COL5A1: variants seen among roughly 807,000 people sequenced by gnomAD.
COL5A1 encodes collagen alpha-1(V) chain.
COL5A1 carries 16 observed loss-of-function variants against 263.7 expected under a neutral mutation model. That is an observed-to-expected ratio of 0.06 (90% CI 0.04 to 0.09). The LOEUF is 0.09. Ranked by LOEUF, COL5A1 falls within the 10% of genes least tolerant of loss-of-function variation. COL5A1 has a pLI of 1.00. For missense variants in COL5A1, 2,036 were observed against 2,540.5 expected (o/e 0.80, Z 4.27); for synonymous variants, 1,012 against 1,004.5 (o/e 1.01, Z -0.14).
At chr9:134,731,473 T>G in intron 7 of COL5A1, 23 bp from the exon 8 acceptor site, 1 of 1,613,538 alleles carries the variant, frequency 6.2e-7, no homozygotes, top group Admixed American at 1.7e-5. Context: ...GAGGCAACCC[T>G]GCGCCTTCCT....
At chr9:134,759,536 C>G (rs1482974768) in intron 18 of COL5A1, among the ~76,000 whole-genome samples, 1 of 87,990 alleles carries the variant, frequency 1.1e-5, no homozygotes. Flanking sequence ...ACATACACCA[C>G]ACATGCGCAC....
intron 11 of COL5A1, among the ~76,000 whole-genome samples, chr9:134,748,812 A>G (rs1317353822): frequency 2.0e-5 from 3 of 152,240 alleles, no homozygotes; most frequent in African/African-American, 4.8e-5. Context: ...TCCAACGTGC[A>G]TCGGCAGAAG....
At position 134,699,934 on chromosome 9, in the gene COL5A1, C is replaced by T; in HGVS notation, c.303C>T (p.Ser101=). 1 of 1,614,044 alleles carries T rather than the reference C, an allele frequency of 6.2e-7. No individual in the cohort carries two copies. Among genetic ancestry groups the T allele is most frequent in the Non-Finnish European group, 8.5e-7 (1 of 1,180,050 alleles). Residue 101 remains serine, a synonymous_variant, in exon 3 of 66, where the codon TCC becomes TCT. Transcript: ENST00000371817. ...CGTCTGCATTTCCCGAGGACTTCTC[C>T]ATCCTAACAACTGTGAAAGCCAAGA... ...YPASAFPEDF[S]ILTTVKAKKG... is the part of the protein sequence containing the mutation.
In COL5A1 at chr9:134,809,267, C is replaced by T; in HGVS notation, c.3451C>T (p.Pro1151Ser). 8 of 1,608,814 alleles carry T rather than the reference C, an allele frequency of 5.0e-6. No individual in the cohort carries two copies. Among genetic ancestry groups the T allele is most frequent in the Non-Finnish European group, 6.8e-6 (8 of 1,178,192 alleles). ...GLPGPAGPVGPPGEDGDKGEI... is the reference protein window; with the variant it reads ...GLPGPAGPVGSPGEDGDKGEI... Reference sequence around the variant, plus strand: ...CCCGGGTCCAGCTGGCCCTGTGGGTCCCCCTGGAGAAGACGGAGATAAGGT... The same window carrying T: ...CCCGGGTCCAGCTGGCCCTGTGGGTTCCCCTGGAGAAGACGGAGATAAGGT... Residue 1151 changes from proline to serine, a missense_variant, in exon 43 of 66, where the codon CCC becomes TCC. By Grantham distance (74) the Pro-to-Ser change is moderately conservative. Coordinates refer to ENST00000371817, the MANE Select transcript of COL5A1 (RefSeq NM_000093.5).
chr9:134,688,408 C>G (rs965148806), intron 1 of COL5A1, among the ~76,000 whole-genome samples: 1 of 152,206 alleles, frequency 6.6e-6, no homozygotes. Flanking sequence ...GCAGGTGGAC[C>G]GGCAGCTGGC....
At chr9:134,751,139 ACTGTCCAGTAGGGACCCCGAGAGCG>A (rs1435950395) in intron 13 of COL5A1, among the ~76,000 whole-genome samples, 34 of 150,560 alleles carry the variant, frequency 2.3e-4, no homozygotes, top group Middle Eastern at 3.4e-3. Context: ...AGAGCGTGTC[ACTGTCCAGTAGGGACCCCGAGAGCG>A]TGTCACTGTC....
chr9:134,721,766 G>T (rs1196542608), intron 4 of COL5A1, among the ~76,000 whole-genome samples: 3 of 152,350 alleles, frequency 2.0e-5, no homozygotes, highest in Non-Finnish European at 4.4e-5. Context: ...CTGGGCTTCA[G>T]GGGAGGCATC....
chr9:134,687,732 C>T (rs780179215), intron 1 of COL5A1, among the ~76,000 whole-genome samples: 18 of 152,168 alleles, frequency 1.2e-4, no homozygotes, highest in Admixed American at 8.5e-4. Context: ...CTGGGCTGCT[C>T]GGTGGGTCCT....
chr9:134,766,328 G>A, intron 21 of COL5A1, 126 bp from the exon 22 acceptor site: 1 of 903,688 alleles, frequency 1.1e-6, no homozygotes, highest in Non-Finnish European at 1.8e-6. Context: ...CTTCCCCAGA[G>A]AGCATCCCGT....
In COL5A1 at chr9:134,642,530, C is replaced by A. The variant is rs1021515959; in HGVS notation, c.109+234C>A. On this transcript the variant is annotated intron_variant, in intron 1 of 65. Transcript: ENST00000371817. This position sits in a 1 kb window ranked among gnomAD's most constrained non-coding sequence, Gnocchi z 4.5. ...AGACGGGCGGGTCGGGTGGGGCTGTCGCGCGAGCCGAGGAAGGACCGAGGG... is the reference window on the plus strand; with the variant it reads ...AGACGGGCGGGTCGGGTGGGGCTGTAGCGCGAGCCGAGGAAGGACCGAGGG... 2.6e-5 allele frequency among the ~76,000 whole-genome samples: 4 copies of A among 152,106 alleles called. No individual in the cohort carries two copies. The East Asian group carries it at 7.8e-4, about 30-fold the overall frequency.
chr9:134,727,070 T>TGGATGGACGGAC (rs1554787471), intron 4 of COL5A1, among the ~76,000 whole-genome samples, 196 bp from the exon 5 acceptor site: 6 of 151,376 alleles, frequency 4.0e-5, no homozygotes, highest in Non-Finnish European at 7.4e-5. Context: ...GATGGATGGA[T>TGGATGGACGGAC]GGATGGATGG....
At chr9:134,823,323 A>G (rs1839102417) in intron 60 of COL5A1, 93 bp from the exon 61 acceptor site, 3 of 1,401,790 alleles carry the variant, frequency 2.1e-6, no homozygotes, top group Non-Finnish European at 2.0e-6. Context: ...CCTCCCCCAC[A>G]TAGGTCTCCA....
At chr9:134,798,979 C>T (rs575326204) in intron 37 of COL5A1, among the ~76,000 whole-genome samples, 104 of 152,314 alleles carry the variant, frequency 6.8e-4, no homozygotes, top group African/African-American at 9.9e-4. Context: ...CACGTTCACC[C>T]GGGCCCTTCC....
chr9:134,660,535 C>T (rs1224586258), intron 1 of COL5A1, among the ~76,000 whole-genome samples: 1 of 152,216 alleles, frequency 6.6e-6, no homozygotes, highest in East Asian at 1.9e-4. Context: ...AGTTCATGCT[C>T]ATGACATCAA....
intron 31 of COL5A1, among the ~76,000 whole-genome samples, chr9:134,786,651 C>A (rs956100027): frequency 6.6e-6 from 1 of 152,178 alleles, no homozygotes; most frequent in Admixed American, 6.5e-5. Context: ...AAATCATGTT[C>A]AGGTTTAAGT....
chr9:134,664,204 C>T lies in COL5A1; in HGVS notation c.109+21908C>T, dbSNP rs530715594. Among the ~76,000 whole-genome samples the T allele has an allele frequency of 2.0e-5, 3 of 152,132 alleles. No homozygotes were observed. The South Asian group carries it at 6.2e-4, about 32-fold the overall frequency. ...GATTGGATCCTGCCCTACTCTTCTA[C>T]CAAAATGCATTCCAGATGGATCTGA... On this transcript the variant is annotated intron_variant, in intron 1 of 65. Transcript: ENST00000371817.
chr9:134,731,882 G>C (rs1484277132), intron 8 of COL5A1, among the ~76,000 whole-genome samples, 189 bp from the exon 9 acceptor site: 1 of 152,160 alleles, frequency 6.6e-6, no homozygotes, highest in African/African-American at 2.4e-5. Flanking sequence ...CTGTTTCTTC[G>C]TTAGTAGTCA....
intron 44 of COL5A1, among the ~76,000 whole-genome samples, chr9:134,811,047 C>T (rs538014779): frequency 5.3e-5 from 8 of 152,254 alleles, no homozygotes; most frequent in South Asian, 4.2e-4. Context: ...GGGGGCCTCA[C>T]GTGCCCCTGT....
intron 11 of COL5A1, among the ~76,000 whole-genome samples, chr9:134,745,645 C>T (rs1002855434): frequency 3.3e-5 from 5 of 152,150 alleles, no homozygotes; most frequent in South Asian, 4.1e-4. Context: ...GTCTGTCTAG[C>T]TCTTGGAAGG....
Sources: allele counts gnomAD v4.1 joint callset (sites outside exome capture counted in the v4.1 genomes callset), GRCh38; gene constraint gnomAD v4.1.1; non-coding constraint Gnocchi (gnomAD v3.1); transcripts MANE v1.5; gene names NCBI Gene and HGNC (gene_info 2026-07-23, HGNC 2026-07-21).